The following PTPN14 variants were observed in gnomAD, a reference collection of about 807,000 sequenced individuals.
PTPN14 encodes the protein tyrosine-protein phosphatase non-receptor type 14.
PTPN14 carries 53 observed loss-of-function variants against 126.8 expected under a neutral mutation model. The observed-to-expected ratio is 0.42, with a 90% CI of 0.34 to 0.53. PTPN14 has a LOEUF of 0.53. PTPN14 is among the 20% of genes least tolerant of loss of function. PTPN14 has a pLI of 0.08. For missense variants in PTPN14, 1,257 were observed against 1,552.9 expected, an observed-to-expected ratio of 0.81 and a Z score of 3.20; for synonymous variants, 630 against 599.3, an observed-to-expected ratio of 1.05 and a Z score of -0.75.
At chr1:214,475,470 T>A in intron 1 of PTPN14, among the ~76,000 whole-genome samples, 1 of 152,244 alleles carries the variant, frequency 6.6e-6, no homozygotes, top group East Asian at 1.9e-4. Context: ...AATACCTGAC[T>A]CTGGTTTACT....
chr1:214,514,172 G>A (rs1426782191), intron 1 of PTPN14, among the ~76,000 whole-genome samples: 2 of 149,980 alleles, frequency 1.3e-5, no homozygotes, highest in East Asian at 1.9e-4. Flanking sequence ...CCAGAGCAGC[G>A]GGCAGAGTCA....
At chr1:214,465,193 T>A (rs565210687) in intron 1 of PTPN14, among the ~76,000 whole-genome samples, 8 of 152,192 alleles carry the variant, frequency 5.3e-5, no homozygotes, top group African/African-American at 1.9e-4. Flanking sequence ...AAAGGAAGAT[T>A]CAAAGAGATT....
chr1:214,449,011 CTTTTTT>C (rs71165970), intron 3 of PTPN14, among the ~76,000 whole-genome samples: 2 of 112,440 alleles, frequency 1.8e-5, no homozygotes, highest in African/African-American at 3.6e-5. Context: ...CTTAATTTTT[CTTTTTT>C]TTTTTTTGAG....
chr1:214,546,138 C>A (rs536695028), intron 1 of PTPN14, among the ~76,000 whole-genome samples: 35 of 152,322 alleles, frequency 2.3e-4, no homozygotes, highest in African/African-American at 8.2e-4. Context: ...CTTCTTAGCT[C>A]AGTGCTTCTC....
intron 5 of PTPN14, among the ~76,000 whole-genome samples, chr1:214,403,591 A>T (rs775597358): frequency 1.3e-5 from 2 of 152,236 alleles, no homozygotes; most frequent in Admixed American, 6.5e-5. Context: ...CTATGGGCTC[A>T]GAAGAACTGA....
intron 12 of PTPN14, among the ~76,000 whole-genome samples, chr1:214,385,562 T>C (rs1658588636): frequency 6.6e-6 from 1 of 152,100 alleles, no homozygotes; most frequent in Non-Finnish European, 1.5e-5. Context: ...ACCTGATTGA[T>C]TTCTACAATC....
At chr1:214,439,361 A>T (rs1659988413) in intron 3 of PTPN14, among the ~76,000 whole-genome samples, 1 of 152,166 alleles carries the variant, frequency 6.6e-6, no homozygotes, top group Non-Finnish European at 1.5e-5. Context: ...ATAAACATCT[A>T]TCTTTTCTAC....
At chr1:214,425,042 C>T (rs1317266082) in intron 3 of PTPN14, among the ~76,000 whole-genome samples, 1 of 152,052 alleles carries the variant, frequency 6.6e-6, no homozygotes, top group East Asian at 1.9e-4. Context: ...AGTGATCCAC[C>T]TGCCTCGGCC....
chr1:214,368,213 T>TTTATTTAC (rs1658130680), intron 17 of PTPN14, among the ~76,000 whole-genome samples: 1 of 151,544 alleles, frequency 6.6e-6, no homozygotes, highest in Non-Finnish European at 1.5e-5. Context: ...TATTTATTTA[T>TTTATTTAC]TTATTTATTT....
intron 1 of PTPN14, among the ~76,000 whole-genome samples, chr1:214,493,950 G>A (rs955930097): frequency 3.9e-5 from 6 of 152,146 alleles, no homozygotes; most frequent in African/African-American, 1.4e-4. Context: ...ACTTCTAAAG[G>A]TGTAGCACTC....
At chr1:214,508,147 T>C (rs1386304618) in intron 1 of PTPN14, among the ~76,000 whole-genome samples, 1 of 152,210 alleles carries the variant, frequency 6.6e-6, no homozygotes, top group Non-Finnish European at 1.5e-5. Context: ...TATGGCCATT[T>C]CTTAAAATAA....
Position 214,532,402 on chromosome 1 carries a change from T to C in PTPN14, c.-155+18781A>G, listed in dbSNP as rs1234786889. The stretch of plus-strand genomic sequence containing the variant: ...GGGATGGCTGGGGGCCTGGCAGGAA[T>C]AGGAGGCATCCAGAACGAGAAGGAG... On this transcript the variant is annotated intron_variant, in intron 1 of 18. Coordinates refer to ENST00000366956, the MANE Select transcript of PTPN14 (RefSeq NM_005401.5). 2.9e-6 allele frequency: 2 copies of C among 689,574 alleles called. 1 individual carries two copies. Among genetic ancestry groups the C allele is most frequent in the Admixed American group, 4.0e-5 (2 of 49,922 alleles). The allele number at this position is 689,574 out of a possible 1,614,324, so 42.7% of individuals were successfully genotyped here.
rs955477734 is a variant in PTPN14 at position 214,354,434 on chromosome 1, A to G, written c.*3488T>C. ...GCAACTAAATCCTCCTTTACTTCCT[A>G]TCTGGGGAAAGAAGTGCATACCAAT... On this transcript the variant is annotated 3_prime_UTR_variant, in exon 19 of 19. Transcript: ENST00000366956. 5 of 152,146 alleles carry G rather than the reference A, an allele frequency of 3.3e-5. No homozygotes were observed. Among genetic ancestry groups the G allele is most frequent in the African/African-American group, 1.2e-4 (5 of 41,422 alleles). 9.4% of individuals were successfully genotyped at this position (152,146 alleles called of 1,614,324 possible).
intron 3 of PTPN14, among the ~76,000 whole-genome samples, chr1:214,434,250 T>C (rs1008122277): frequency 2.0e-5 from 3 of 152,128 alleles, no homozygotes; most frequent in Admixed American, 6.5e-5. Flanking sequence ...GATTGCAAGA[T>C]GAAAATAGGC....
rs1464860570 is a variant in PTPN14 at position 214,350,706 on chromosome 1, AATTTTTTTTTT to A, written c.*7205_*7215del. 3 of 49,448 alleles carry A rather than the reference AATTTTTTTTTT, an allele frequency of 6.1e-5. No homozygotes were observed. The highest frequency in any genetic ancestry group is 1.0e-4 in the Non-Finnish European group (3 of 28,820). 3.1% of individuals were successfully genotyped at this position (49,448 alleles called of 1,614,324 possible). On this transcript the variant is annotated 3_prime_UTR_variant, in exon 19 of 19. Coordinates refer to ENST00000366956, the MANE Select transcript of PTPN14 (RefSeq NM_005401.5). ...CAGGCATGTGCCACCATGCCTGGCT[AATTTTTTTTTT>A]TTTTTTTTTTTTTGTATTTTTAGTA...
chr1:214,395,585 AACAAC>A (rs1354489143), intron 8 of PTPN14, among the ~76,000 whole-genome samples: 2 of 130,172 alleles, frequency 1.5e-5, no homozygotes, highest in African/African-American at 6.1e-5. Context: ...TTTGGGACCC[AACAAC>A]ACACACACAC....
Position 214,357,779 on chromosome 1 carries a change from G to T in PTPN14, c.*143C>A. ...ATATAAAATAATACATGGTATGTGT[G>T]AATAATCTTGGCTACTGTCTTCAGA... On this transcript the variant is annotated 3_prime_UTR_variant, in exon 19 of 19. Transcript: ENST00000366956. 1.7e-6 allele frequency: 1 copy of T among 605,810 alleles called. No individual in the cohort carries two copies. Among genetic ancestry groups the T allele is most frequent in the Non-Finnish European group, 2.9e-6 (1 of 340,932 alleles). 37.5% of individuals were successfully genotyped at this position (605,810 alleles called of 1,614,324 possible). A position where few individuals can be genotyped will look rare whatever the true frequency, so the allele number is the denominator to read the frequency against.
chr1:214,521,736 C>G (rs900527640), intron 1 of PTPN14, among the ~76,000 whole-genome samples: 1 of 151,790 alleles, frequency 6.6e-6, no homozygotes, highest in Non-Finnish European at 1.5e-5. Flanking sequence ...CACACACACA[C>G]ACACACACGA....
At position 214,541,673 on chromosome 1, in the gene PTPN14, A is replaced by C. The variant is rs188691351; in HGVS notation, c.-155+9510T>G. On this transcript the variant is annotated intron_variant, in intron 1 of 18. Coordinates refer to ENST00000366956, the MANE Select transcript of PTPN14 (RefSeq NM_005401.5). ...TGATTTACCTGTCCATTTCCTACCC[A>C]AAAGCCCATCAGAAAGCATTATTTA... Among the ~76,000 whole-genome samples the C allele has an allele frequency of 1.2e-3, 183 of 152,300 alleles. 1 individual carries two copies. The highest frequency in any genetic ancestry group is 2.2e-3 in the Non-Finnish European group (148 of 68,024).
Sources: gnomAD v4.1 joint callset for allele counts (sites outside exome capture counted in the v4.1 genomes callset) on GRCh38, gnomAD v4.1.1 for gene constraint, MANE v1.5 for transcripts, NCBI Gene and HGNC (gene_info 2026-07-23, HGNC 2026-07-21) for gene names.